MTFR1: variants seen among roughly 807,000 people sequenced by gnomAD.
The protein encoded by MTFR1 is mitochondrial fission regulator 1.
MTFR1 carries 28 observed loss-of-function variants against 38.8 expected under a neutral mutation model. The ratio of observed to expected loss-of-function variants is 0.72; its 90% CI spans 0.53 to 0.99. The LOEUF (loss-of-function observed/expected upper bound fraction) is 0.99, where lower values mean the gene tolerates loss of function less well. MTFR1 is among the 50% of genes least tolerant of loss of function. The pLI is 0.00. For missense variants in MTFR1, 358 were observed against 395.5 expected (o/e 0.91, Z 0.81); for synonymous variants, 145 against 137.0 (o/e 1.06, Z -0.41).
intron 3 of MTFR1, among the ~76,000 whole-genome samples, 184 bp from the exon 4 acceptor site, chr8:65,693,460 G>T (rs1262820706): frequency 6.6e-6 from 1 of 152,048 alleles, no homozygotes; most frequent in Non-Finnish European, 1.5e-5. Context: ...TTCTGAGATT[G>T]TCATATACTA....
At chr8:65,683,721 C>CT (rs1191747265) in intron 3 of MTFR1, among the ~76,000 whole-genome samples, 42 of 148,134 alleles carry the variant, frequency 2.8e-4, no homozygotes, top group East Asian at 8.0e-4. Flanking sequence ...GTTTCTTTTT[C>CT]TTTTTTTTTT....
intron 3 of MTFR1, among the ~76,000 whole-genome samples, chr8:65,746,656 T>C (rs1807690745): frequency 6.6e-6 from 1 of 152,194 alleles, no homozygotes; most frequent in Admixed American, 6.5e-5. Context: ...ATGAATACAC[T>C]GACATGAGCA....
At chr8:65,698,252 G>A (rs190845467) in intron 4 of MTFR1, among the ~76,000 whole-genome samples, 3 of 150,976 alleles carry the variant, frequency 2.0e-5, no homozygotes, top group East Asian at 3.9e-4. Flanking sequence ...GGGCTCAAGC[G>A]ATCCTCTCAC....
Position 65,710,502 on chromosome 8 carries a change from C to T in MTFR1, c.*1458C>T, listed in dbSNP as rs1805913170. 1.3e-5 allele frequency: 2 copies of T among 152,486 alleles called. 1 individual carries two copies. The highest frequency in any genetic ancestry group is 4.1e-4 in the South Asian group (2 of 4,828). 9.4% of individuals were successfully genotyped at this position (152,486 alleles called of 1,614,324 possible). A position where few individuals can be genotyped will look rare whatever the true frequency, so the allele number is the denominator to read the frequency against. On this transcript the variant is annotated 3_prime_UTR_variant, in exon 8 of 8. Coordinates refer to ENST00000262146, the MANE Select transcript of MTFR1 (RefSeq NM_014637.4). Reference sequence around the variant, plus strand: ...ATCAGTATTGAATTTTGGACAGTGCCCCCATATAAGGAAGTTACTGTTTTA... The same window carrying T: ...ATCAGTATTGAATTTTGGACAGTGCTCCCATATAAGGAAGTTACTGTTTTA...
rs1226072257 is a variant in MTFR1 at position 65,709,311 on chromosome 8, C to A, written c.*267C>A. 6 of 371,022 alleles carry A rather than the reference C, an allele frequency of 1.6e-5. No homozygotes were observed. The highest frequency in any genetic ancestry group is 4.3e-5 in the East Asian group (1 of 23,458). 23.0% of individuals were successfully genotyped at this position (371,022 alleles called of 1,614,324 possible). On this transcript the variant is annotated 3_prime_UTR_variant, in exon 8 of 8. Transcript: ENST00000262146. ...GCGTTCAGATTTCCAGTTTTGAAAA[C>A]AATTGTATAGATTTCACAACACAAA...
chr8:65,737,236 G>C (rs945543789), intron 3 of MTFR1, among the ~76,000 whole-genome samples: 5 of 152,048 alleles, frequency 3.3e-5, no homozygotes, highest in Admixed American at 1.3e-4. Flanking sequence ...GATTCCTTAT[G>C]GCTTTAAGGC....
intron 1 of MTFR1, among the ~76,000 whole-genome samples, chr8:65,655,479 T>G (rs1809230180): frequency 6.6e-6 from 1 of 152,136 alleles, no homozygotes; most frequent in African/African-American, 2.4e-5. Context: ...TGTACTTAAT[T>G]TTGCATGAGC....
chr8:65,679,537 C>T (rs1424201887), intron 2 of MTFR1: 1 of 152,206 alleles, frequency 6.6e-6, no homozygotes, highest in Non-Finnish European at 1.5e-5. Flanking sequence ...GCAGGAGAAT[C>T]ACTTGAACCT....
chr8:65,711,092 T>TATC (rs1175365028), downstream of MTFR1, among the ~76,000 whole-genome samples: 2 of 152,122 alleles, frequency 1.3e-5, no homozygotes, highest in African/African-American at 4.8e-5. Context: ...TTAAATAATT[T>TATC]ATCTTTACTT....
At chr8:65,656,033 T>C (rs1809260436) in intron 1 of MTFR1, among the ~76,000 whole-genome samples, 1 of 120,214 alleles carries the variant, frequency 8.3e-6, no homozygotes, top group South Asian at 2.6e-4. Context: ...GACAAGGACA[T>C]TTAAAAAAAA....
chr8:65,741,037 A>T (rs1807405664), intron 3 of MTFR1, among the ~76,000 whole-genome samples: 3 of 152,190 alleles, frequency 2.0e-5, no homozygotes, highest in Admixed American at 6.5e-5. Context: ...ATAGAAATTA[A>T]ATTTGGAAAA....
intron 2 of MTFR1, chr8:65,717,529 C>T (rs897502252): frequency 6.6e-6 from 1 of 152,236 alleles, no homozygotes; most frequent in Non-Finnish European, 1.5e-5. Context: ...TCTGCTTACT[C>T]ACTTGCAAGG....
At position 65,697,707 on chromosome 8, in the gene MTFR1, GT is replaced by G. The variant is rs557750900; in HGVS notation, c.281+3952del. Among the ~76,000 whole-genome samples, 122 of 152,254 alleles carry G rather than the reference GT, an allele frequency of 8.0e-4. 2 individuals are homozygous for G. Among genetic ancestry groups the G allele is most frequent in the Middle Eastern group, 3.4e-3 (1 of 294 alleles). On this transcript the variant is annotated intron_variant, in intron 4 of 7. Coordinates refer to ENST00000262146, the MANE Select transcript of MTFR1 (RefSeq NM_014637.4). ...TAGTTTTTCAAGAAACTGACAAGCT[GT>G]TTTCTAGAGCCTATTTCATATCCCT...
At chr8:65,775,565 T>C (rs1472337548), downstream of MTFR1, among the ~76,000 whole-genome samples, 2 of 152,254 alleles carry the variant, frequency 1.3e-5, no homozygotes, top group East Asian at 3.8e-4. Context: ...CCTTTTTGTT[T>C]TCTAGCTTTG....
At chr8:65,777,054 C>G in the MTFR1 span, among the ~76,000 whole-genome samples, 1 of 140,288 alleles carries the variant, frequency 7.1e-6, no homozygotes, top group Non-Finnish European at 1.5e-5. Context: ...TAAGAAAGAA[C>G]AAATACTCAA....
chr8:65,723,739 A>G, intron 3 of MTFR1: 1 of 648,078 alleles, frequency 1.5e-6, no homozygotes. Context: ...TCCTCATGAG[A>G]GGACAGCTTC....
intron 4 of MTFR1, among the ~76,000 whole-genome samples, chr8:65,703,289 G>A (rs1268655754): frequency 6.6e-6 from 1 of 151,978 alleles, no homozygotes; most frequent in African/African-American, 2.4e-5. Flanking sequence ...AGGAAGCTGA[G>A]GCAGGAGGAT....
At chr8:65,712,478 A>T (rs184122833), downstream of MTFR1, among the ~76,000 whole-genome samples, 14 of 152,266 alleles carry the variant, frequency 9.2e-5, no homozygotes, top group Non-Finnish European at 2.1e-4. Flanking sequence ...TAAAGATGTT[A>T]TGAGGTACAA....
chr8:65,753,505 C>A (rs1232948936), intron 3 of MTFR1, among the ~76,000 whole-genome samples: 1 of 152,146 alleles, frequency 6.6e-6, no homozygotes, highest in Non-Finnish European at 1.5e-5. Flanking sequence ...TCAGGGTGAG[C>A]TCCCCACCCT....
Sources: gnomAD v4.1 joint callset for allele counts (sites outside exome capture counted in the v4.1 genomes callset) on GRCh38, gnomAD v4.1.1 for gene constraint, MANE v1.5 for transcripts, NCBI Gene and HGNC (gene_info 2026-07-23, HGNC 2026-07-21) for gene names.